LRMDA: variants seen among roughly 807,000 people sequenced by gnomAD.
LRMDA encodes leucine rich melanocyte differentiation associated, also known as leucine-rich melanocyte differentiation-associated protein.
LRMDA carries 18 observed loss-of-function variants against 29.8 expected under a neutral mutation model. The observed-to-expected ratio is 0.60, with a 90% CI of 0.42 to 0.90. The LOEUF is 0.90. Among genes scored for constraint, LRMDA ranks in the 40% least tolerant of loss-of-function variants. The pLI is 0.00. For synonymous variants in LRMDA, 125 were observed against 109.4 expected (o/e 1.14, Z -0.89); for missense variants, 273 against 273.9 (o/e 1.00, Z 0.02).
intron 2 of LRMDA, among the ~76,000 whole-genome samples, chr10:75,479,163 AG>A (rs2132051677): frequency 6.6e-6 from 1 of 152,242 alleles, no homozygotes; most frequent in East Asian, 1.9e-4. Flanking sequence ...CCAAGTGTAT[AG>A]TGAGGTGACG....
chr10:76,488,334 CCT>C (rs1239620532), intron 6 of LRMDA, among the ~76,000 whole-genome samples: 3 of 151,712 alleles, frequency 2.0e-5, no homozygotes, highest in Non-Finnish European at 2.9e-5. Flanking sequence ...TTACTCCTTC[CCT>C]GTCTGCCTCT....
chr10:75,965,450 A>T (rs1460544702), intron 2 of LRMDA, among the ~76,000 whole-genome samples: 2 of 152,216 alleles, frequency 1.3e-5, no homozygotes, highest in Non-Finnish European at 2.9e-5. Flanking sequence ...TTTTATGTTT[A>T]TGGAGCATGA....
intron 2 of LRMDA, among the ~76,000 whole-genome samples, chr10:75,619,756 T>C (rs1841156728): frequency 6.6e-6 from 1 of 152,196 alleles, no homozygotes; most frequent in Non-Finnish European, 1.5e-5. Context: ...CAGGGTTTGG[T>C]AGATCTGGGT....
rs543929771 is a variant in LRMDA at position 76,262,749 on chromosome 10, T to C, written c.517-61652T>C. Among the ~76,000 whole-genome samples, 5 of 152,282 alleles carry C rather than the reference T, an allele frequency of 3.3e-5. No individual in the cohort carries two copies. In the East Asian group the frequency reaches 7.7e-4, roughly 24 times the overall value. Reference sequence around the variant, plus strand: ...TTTGAGGTTCTGCTGGCCCCTGTTTTTTTCCCCAAAGCAAACCCTCTTGAC... The same window carrying C: ...TTTGAGGTTCTGCTGGCCCCTGTTTCTTTCCCCAAAGCAAACCCTCTTGAC... On this transcript the variant is annotated intron_variant, in intron 5 of 6. Transcript: ENST00000611255.
At chr10:76,102,618 C>G (rs1379827829) in intron 5 of LRMDA, among the ~76,000 whole-genome samples, 2 of 152,072 alleles carry the variant, frequency 1.3e-5, no homozygotes, top group African/African-American at 4.8e-5. Context: ...ACCATATTTG[C>G]TTTTTCCATT....
intron 2 of LRMDA, among the ~76,000 whole-genome samples, chr10:75,836,452 C>A (rs1162731519): frequency 2.0e-5 from 3 of 152,292 alleles, no homozygotes; most frequent in African/African-American, 4.8e-5. Context: ...GACTCTATAC[C>A]ACTGGGGACT....
chr10:76,407,347 T>C (rs1841913308), intron 6 of LRMDA, among the ~76,000 whole-genome samples: 2 of 152,238 alleles, frequency 1.3e-5, no homozygotes. Flanking sequence ...TTTCATTGAT[T>C]CTCTCATTCA....
At chr10:75,450,966 T>C (rs1844453958) in intron 2 of LRMDA, 1 of 152,280 alleles carries the variant, frequency 6.6e-6, no homozygotes, top group Non-Finnish European at 1.5e-5. Context: ...TGGCATGTGA[T>C]GCCGTTTCTG....
chr10:75,584,411 T>C (rs1427675134), intron 2 of LRMDA, among the ~76,000 whole-genome samples: 1 of 152,212 alleles, frequency 6.6e-6, no homozygotes, highest in East Asian at 1.9e-4. Context: ...TTTGTGTCTT[T>C]TTCCCCATAC....
chr10:76,336,502 T>G (rs948176563), intron 6 of LRMDA, among the ~76,000 whole-genome samples: 2 of 152,220 alleles, frequency 1.3e-5, no homozygotes, highest in Non-Finnish European at 1.5e-5. Context: ...GGGTCAAAGT[T>G]CTGTCCTCAG....
At position 76,064,399 on chromosome 10, in the gene LRMDA, G is replaced by A. The variant is rs542219878; in HGVS notation, c.516+5616G>A. On this transcript the variant is annotated intron_variant, in intron 5 of 6. Coordinates refer to ENST00000611255, the MANE Select transcript of LRMDA (RefSeq NM_001305581.2). Reference sequence around the variant, plus strand: ...TTCTCAACCCACCTGCTCATATTAGGGCTTTTAGGAAGTAAGTAGCTCTTC... The same window carrying A: ...TTCTCAACCCACCTGCTCATATTAGAGCTTTTAGGAAGTAAGTAGCTCTTC... Among the ~76,000 whole-genome samples, 10 of 152,188 alleles carry A rather than the reference G, an allele frequency of 6.6e-5. No individual in the cohort carries two copies. In the South Asian group the frequency reaches 2.1e-3, roughly 32 times the overall value.
chr10:76,536,663 G>A (rs538037354), intron 6 of LRMDA, among the ~76,000 whole-genome samples: 4 of 152,220 alleles, frequency 2.6e-5, no homozygotes, highest in East Asian at 3.9e-4. Context: ...AAGCATAGGT[G>A]ATATTGGCAT....
rs534212851 is a variant in LRMDA, at chr10:75,509,371, A to G, written c.131+70877A>G. ...TAAATTCAAAACTCATATTATGCTC[A>G]AAATTTCCTTTTACTTTCTGCTTCC... On this transcript the variant is annotated intron_variant, in intron 2 of 6. Transcript: ENST00000611255. 4.6e-5 allele frequency among the ~76,000 whole-genome samples: 7 copies of G among 152,376 alleles called. No homozygotes were observed. The East Asian group carries it at 1.3e-3, about 29-fold the overall frequency.
chr10:76,022,723 GA>G (rs1847995305), intron 2 of LRMDA, among the ~76,000 whole-genome samples: 1 of 152,130 alleles, frequency 6.6e-6, no homozygotes, highest in South Asian at 2.1e-4. Flanking sequence ...GGGCTGGGAG[GA>G]AACCTATTTT....
intron 2 of LRMDA, among the ~76,000 whole-genome samples, chr10:75,744,135 T>C (rs1842863881): frequency 1.3e-5 from 2 of 152,216 alleles, no homozygotes; most frequent in African/African-American, 4.8e-5. Context: ...CCTGGACACA[T>C]CTATGGGAGC....
chr10:76,443,186 A>G (rs545148582), intron 6 of LRMDA, among the ~76,000 whole-genome samples: 16 of 152,310 alleles, frequency 1.1e-4, no homozygotes, highest in African/African-American at 3.4e-4. Context: ...CAGCTTTAAG[A>G]CAAACAGATG....
intron 2 of LRMDA, among the ~76,000 whole-genome samples, chr10:75,476,241 T>G (rs1844790009): frequency 6.6e-6 from 1 of 152,166 alleles, no homozygotes; most frequent in Non-Finnish European, 1.5e-5. Flanking sequence ...AAAAAATCAT[T>G]GCTTGTGAAC....
chr10:76,396,783 T>C (rs897917039), intron 6 of LRMDA, among the ~76,000 whole-genome samples: 1 of 152,212 alleles, frequency 6.6e-6, no homozygotes, highest in African/African-American at 2.4e-5. Context: ...CAATGAATTA[T>C]TGTGTCTTTT....
chr10:76,052,754 C>T (rs1848551331), intron 4 of LRMDA, among the ~76,000 whole-genome samples: 1 of 152,038 alleles, frequency 6.6e-6, no homozygotes. Context: ...CTTTAAGCAC[C>T]TTCCCAGGAT....
Sources: gnomAD v4.1 joint callset for allele counts (sites outside exome capture counted in the v4.1 genomes callset) on GRCh38, gnomAD v4.1.1 for gene constraint, MANE v1.5 for transcripts, NCBI Gene and HGNC (gene_info 2026-07-23, HGNC 2026-07-21) for gene names.